PALS1: variants seen among roughly 807,000 people sequenced by gnomAD.
PALS1 encodes protein associated with LIN7 1, MAGUK p55 family member.
PALS1 carries 31 observed loss-of-function variants against 78.9 expected under a neutral mutation model. The ratio of observed to expected loss-of-function variants is 0.39; its 90% CI spans 0.30 to 0.53. The LOEUF (loss-of-function observed/expected upper bound fraction) is 0.53. PALS1 is among the 20% of genes least tolerant of loss of function. The pLI is 0.67. For missense variants in PALS1, 704 were observed against 826.5 expected (o/e 0.85, Z 1.82); for synonymous variants, 276 against 270.9 (o/e 1.02, Z -0.18).
intron 3 of PALS1, among the ~76,000 whole-genome samples, chr14:67,290,839 A>C (rs1221822504): frequency 6.6e-6 from 1 of 152,236 alleles, no homozygotes; most frequent in East Asian, 1.9e-4. Flanking sequence ...CTGGCCAGGA[A>C]TGATTATTTA....
In PALS1 at chr14:67,303,573, A is replaced by T; in HGVS notation, c.1015A>T (p.Lys339Ter). Residue 339 changes from lysine (K) to a stop codon, truncating the protein, a stop_gained, in exon 8 of 15, where the codon AAG becomes TAG. Transcript: ENST00000261681. LOFTEE classifies it high-confidence loss of function. ...TGTCCTGATTCCCAGTCAACAGATC[A>T]AGCCGCCTCCTGCCAAGGAAACAGT... is the stretch of plus-strand genomic sequence containing the variant. ...TFVLIPSQQI[K>*]PPPAKETVIH... 1 of 1,613,766 alleles carries T rather than the reference A, an allele frequency of 6.2e-7. No individual in the cohort carries two copies. The highest frequency in any genetic ancestry group is 8.5e-7 in the Non-Finnish European group (1 of 1,179,672).
At chr14:67,246,529 C>T (rs1403697569) in intron 1 of PALS1, among the ~76,000 whole-genome samples, 1 of 151,908 alleles carries the variant, frequency 6.6e-6, no homozygotes, top group African/African-American at 2.4e-5. Context: ...TTTGTAGAGA[C>T]AAGATCTCCC....
chr14:67,318,732 A>G (rs1022077786), intron 11 of PALS1, among the ~76,000 whole-genome samples: 1 of 152,156 alleles, frequency 6.6e-6, no homozygotes, highest in African/African-American at 2.4e-5. Flanking sequence ...TGTTCTCACA[A>G]ACTCCTTGAG....
rs1014610479 is a variant in PALS1 at position 67,302,054 on chromosome 14, T to C, written c.737T>C (p.Ile246Thr). The change falls in exon 6 of 15, where the codon ATT becomes ACT. Residue 246 changes from isoleucine to threonine, a missense_variant. Physicochemically the swap from Ile to Thr is moderately conservative, Grantham distance 89 (BLOSUM62 -1). Coordinates refer to ENST00000261681, the MANE Select transcript of PALS1 (RefSeq NM_022474.4). The stretch of plus-strand genomic sequence containing the variant: ...ACAGATGAGAGAGTTTATGAAAGTA[T>C]TGGCCAGTATGGAGGAGAAACTGTA... ...PITDERVYES[I>T]GQYGGETVKI... The C allele has an allele frequency of 6.2e-7, 1 of 1,609,762 alleles. No homozygotes were observed. Among genetic ancestry groups the C allele is most frequent in the African/African-American group, 1.3e-5 (1 of 74,634 alleles).
In PALS1 at chr14:67,321,093, G is replaced by A. The variant is rs1237553168; in HGVS notation, c.1574G>A (p.Gly525Asp). Residue 525 changes from glycine (G) to aspartate (D), a missense_variant, in exon 13 of 15, where the codon GGT becomes GAT. Transcript: ENST00000261681. Reference protein sequence around the residue: ...TRSRRDQEVAGRDYHFVSRQA... With the variant: ...TRSRRDQEVADRDYHFVSRQA... ...AGTAGGCGAGACCAAGAAGTAGCCG[G>A]TAGAGATTACCACTTTGTTTCGCGG... 6.2e-7 allele frequency: 1 copy of A among 1,614,012 alleles called. No homozygotes were observed. Among genetic ancestry groups the A allele is most frequent in the Non-Finnish European group, 8.5e-7 (1 of 1,180,000 alleles).
chr14:67,280,743 A>G (rs1207912886), intron 3 of PALS1, among the ~76,000 whole-genome samples: 2 of 151,484 alleles, frequency 1.3e-5, no homozygotes, highest in African/African-American at 4.9e-5. Context: ...TACCATGTAT[A>G]TGCCAGATTT....
At chr14:67,243,440 G>A (rs1308807549) in intron 1 of PALS1, among the ~76,000 whole-genome samples, 1 of 151,052 alleles carries the variant, frequency 6.6e-6, no homozygotes, top group Non-Finnish European at 1.5e-5. Context: ...CACCCGCCTC[G>A]GCCTCCTGAA....
intron 4 of PALS1, among the ~76,000 whole-genome samples, chr14:67,298,386 G>C (rs2084887823): frequency 6.6e-6 from 1 of 151,880 alleles, no homozygotes; most frequent in South Asian, 2.1e-4. Context: ...GTGGTGGCGG[G>C]CACCTGTAAT....
At position 67,312,527 on chromosome 14, in the gene PALS1, A is replaced by C; in HGVS notation, c.1042A>C (p.Ile348Leu). 1 of 1,566,106 alleles carries C rather than the reference A, an allele frequency of 6.4e-7. No individual in the cohort carries two copies. Among genetic ancestry groups the C allele is most frequent in the South Asian group, 1.3e-5 (1 of 79,678 alleles). ...TGTTTTTGCCCTTTTTATCTTTTAG[A>C]TCCATGTAAAAGCTCATTTTGACTA... ...IKPPPAKETVIHVKAHFDYDP... is the reference protein window; with the variant it reads ...IKPPPAKETVLHVKAHFDYDP... Residue 348 changes from isoleucine to leucine, a missense_variant and splice_region_variant, in exon 9 of 15, where the codon ATC becomes CTC. Ile to Leu is a conservative substitution (Grantham distance 5). Coordinates refer to ENST00000261681, the MANE Select transcript of PALS1 (RefSeq NM_022474.4).
At chr14:67,257,982 C>A (rs2140485158) in intron 1 of PALS1, among the ~76,000 whole-genome samples, 1 of 152,146 alleles carries the variant, frequency 6.6e-6, no homozygotes, top group African/African-American at 2.4e-5. Context: ...TTAACTACTT[C>A]ATTCGATTGT....
chr14:67,257,593 A>G (rs912543733), intron 1 of PALS1, among the ~76,000 whole-genome samples: 1 of 152,154 alleles, frequency 6.6e-6, no homozygotes, highest in Non-Finnish European at 1.5e-5. Context: ...TGCTCAACAG[A>G]TAACTAAAAA....
chr14:67,282,236 A>G (rs2084617408), intron 3 of PALS1, among the ~76,000 whole-genome samples: 1 of 152,124 alleles, frequency 6.6e-6, no homozygotes, highest in Non-Finnish European at 1.5e-5. Flanking sequence ...TAACACATCA[A>G]ACTGTAAGAG....
intron 3 of PALS1, 83 bp downstream of exon 3, chr14:67,279,620 T>G: frequency 7.6e-7 from 1 of 1,322,754 alleles, no homozygotes. Flanking sequence ...GGAAGAGGGT[T>G]TAAGAGAATG....
At chr14:67,243,556 A>G (rs534687566) in intron 1 of PALS1, among the ~76,000 whole-genome samples, 1 of 139,632 alleles carries the variant, frequency 7.2e-6, no homozygotes, top group South Asian at 2.3e-4. Context: ...GCAGTGGCGC[A>G]ATCTCGGCTC....
At chr14:67,296,812 G>A (rs1393042428) in intron 4 of PALS1, among the ~76,000 whole-genome samples, 1 of 152,024 alleles carries the variant, frequency 6.6e-6, no homozygotes, top group Non-Finnish European at 1.5e-5. Flanking sequence ...ATGGCTCACT[G>A]CAACCTCAAC....
At chr14:67,289,049 C>T (rs1393560928) in intron 3 of PALS1, among the ~76,000 whole-genome samples, 1 of 149,692 alleles carries the variant, frequency 6.7e-6, no homozygotes, top group Non-Finnish European at 1.5e-5. Context: ...TCACTGCAAC[C>T]TCCGCCACCC....
At chr14:67,332,405 C>T (rs1296345989) in intron 14 of PALS1, among the ~76,000 whole-genome samples, 2 of 152,138 alleles carry the variant, frequency 1.3e-5, no homozygotes, top group South Asian at 2.1e-4. Context: ...AAGGTTCACT[C>T]CATATTACAG....
chr14:67,293,922 C>T (rs1030283615), intron 4 of PALS1, among the ~76,000 whole-genome samples: 3 of 151,878 alleles, frequency 2.0e-5, no homozygotes, highest in African/African-American at 7.3e-5. Context: ...ATCACAATTG[C>T]TCCAATTGAA....
chr14:67,259,601 G>A (rs2084201838), intron 1 of PALS1, among the ~76,000 whole-genome samples: 1 of 151,970 alleles, frequency 6.6e-6, no homozygotes, highest in Admixed American at 6.6e-5. Flanking sequence ...AACAGAGCAA[G>A]ACTGTCTCTA....
Sources: gnomAD v4.1 joint callset for allele counts (sites outside exome capture counted in the v4.1 genomes callset) on GRCh38, gnomAD v4.1.1 for gene constraint, MANE v1.5 for transcripts, NCBI Gene and HGNC (gene_info 2026-07-23, HGNC 2026-07-21) for gene names.